TRANK1: variants seen among roughly 807,000 people sequenced by gnomAD.
TRANK1 encodes the protein tetratricopeptide repeat and ankyrin repeat containing 1.
A neutral mutation model predicts 266.0 loss-of-function variants in TRANK1; 198 were observed. The ratio of observed to expected loss-of-function variants is 0.74; its 90% CI spans 0.66 to 0.84. The LOEUF is 0.84. Ranked by LOEUF, TRANK1 falls within the 40% of genes least tolerant of loss-of-function variation. The pLI is 0.00. For synonymous variants in TRANK1, 1,396 were observed against 1,384.1 expected, an observed-to-expected ratio of 1.01 and a Z score of -0.19; for missense variants, 3,326 against 3,634.6, an observed-to-expected ratio of 0.92 and a Z score of 2.18.
At chr3:36,898,025 G>C (rs2079818036) in intron 4 of TRANK1, among the ~76,000 whole-genome samples, 1 of 152,194 alleles carries the variant, frequency 6.6e-6, no homozygotes, top group South Asian at 2.1e-4. Flanking sequence ...ATTCTGCAGT[G>C]CCGGGTATTG....
intron 20 of TRANK1, among the ~76,000 whole-genome samples, chr3:36,836,574 T>C (rs537424027): frequency 3.3e-5 from 5 of 152,258 alleles, no homozygotes; most frequent in Admixed American, 6.5e-5. Context: ...TGACTACCAA[T>C]GAGAAAAGAA....
At chr3:36,890,409 T>G (rs893118233) in intron 7 of TRANK1, among the ~76,000 whole-genome samples, 2 of 152,158 alleles carry the variant, frequency 1.3e-5, no homozygotes, top group Non-Finnish European at 2.9e-5. Context: ...CTTGAGGCAC[T>G]GGGGCTGGCC....
At chr3:36,895,416 CAGT>C (rs1195170492) in intron 5 of TRANK1, among the ~76,000 whole-genome samples, 6 of 152,194 alleles carry the variant, frequency 3.9e-5, no homozygotes, top group African/African-American at 1.4e-4. Context: ...TCTTTGATGA[CAGT>C]GGAGACACAG....
At chr3:36,858,193 A>C (rs912947322) in intron 12 of TRANK1, 144 bp from the exon 13 acceptor site, 1 of 682,714 alleles carries the variant, frequency 1.5e-6, no homozygotes, top group Non-Finnish European at 2.4e-6. Context: ...TAAAGAGCTC[A>C]GTGGTTCTCA....
intron 20 of TRANK1, 82 bp from the exon 21 acceptor site, chr3:36,834,989 G>A (rs533752313): frequency 1.5e-6 from 2 of 1,343,552 alleles, no homozygotes; most frequent in Admixed American, 2.6e-5. Context: ...AAGTAATAAA[G>A]AGGATAGTCA....
intron 20 of TRANK1, 146 bp downstream of exon 20, chr3:36,838,226 G>C (rs777705758): frequency 3.2e-6 from 4 of 1,254,904 alleles, no homozygotes; most frequent in Non-Finnish European, 4.4e-6. Context: ...AGTGAAAGTA[G>C]GCTTCCCTTA....
intron 5 of TRANK1, among the ~76,000 whole-genome samples, chr3:36,893,567 T>C (rs1397793517): frequency 6.6e-6 from 1 of 152,174 alleles, no homozygotes; most frequent in Non-Finnish European, 1.5e-5. Flanking sequence ...AGTTAGCAAA[T>C]GCTACAAATC....
chr3:36,855,026 G>C, intron 13 of TRANK1, 147 bp downstream of exon 13: 4 of 701,636 alleles, frequency 5.7e-6, no homozygotes, highest in Non-Finnish European at 4.6e-6. Flanking sequence ...ACTATCTCTT[G>C]TCCATGAGCG....
At chr3:36,866,914 C>T (rs2079235672) in intron 9 of TRANK1, among the ~76,000 whole-genome samples, 1 of 152,182 alleles carries the variant, frequency 6.6e-6, no homozygotes, top group East Asian at 1.9e-4. Flanking sequence ...ACACCAGAAA[C>T]ATACACACAT....
intron 10 of TRANK1, among the ~76,000 whole-genome samples, chr3:36,863,202 A>C (rs2079168639): frequency 6.6e-6 from 1 of 152,184 alleles, no homozygotes. Context: ...ACAATACCCT[A>C]CAGAGAAAAA....
intron 17 of TRANK1, among the ~76,000 whole-genome samples, chr3:36,843,360 A>G (rs1016072408): frequency 6.6e-6 from 1 of 152,302 alleles, no homozygotes. Flanking sequence ...TTGAAAACCC[A>G]AAGTCAAGTG....
intron 21 of TRANK1, 94 bp from the exon 22 acceptor site, chr3:36,834,013 T>A: frequency 2.4e-6 from 3 of 1,253,896 alleles, no homozygotes; most frequent in Non-Finnish European, 3.2e-6. Context: ...TAAATAAAAC[T>A]CCCACATGTA....
Position 36,855,422 on chromosome 3 carries a change from G to A in TRANK1, c.4300C>T (p.Leu1434Phe). 1 of 1,614,016 alleles carries A rather than the reference G, an allele frequency of 6.2e-7. No homozygotes were observed. The highest frequency in any genetic ancestry group is 8.5e-7 in the Non-Finnish European group (1 of 1,179,900). The change falls in exon 13 of 24, where the codon CTC (leucine) becomes TTC (phenylalanine). Residue 1434 changes from leucine (L) to phenylalanine (F), a missense_variant. Transcript: ENST00000645898. ...LRVLPWSIHELYGDEIQDFTQ... is the reference protein window; with the variant it reads ...LRVLPWSIHEFYGDEIQDFTQ... ...AAGTCTTGAATCTCATCACCATAGA[G>A]CTCGTGGATGGACCATGGGAGCACC...
At chr3:36,918,595 G>GA (rs1404463559) in intron 1 of TRANK1, among the ~76,000 whole-genome samples, 26 of 115,318 alleles carry the variant, frequency 2.3e-4, no homozygotes, top group South Asian at 8.9e-4. Flanking sequence ...AGGAAGGAAG[G>GA]AAGGAAGGAA....
rs1016568999 is a variant in TRANK1 at position 36,874,182 on chromosome 3, A to G, written c.1022T>C (p.Ile341Thr). ...TTCTAAGTGACTGTTGATTTTCTCG[A>G]TGGCTTTGAAGTTCTTATTCCTCTT... ...VLKRNKNFKA[I>T]EKINSHLEKL... Residue 341 changes from isoleucine to threonine, a missense_variant, in exon 9 of 24, where the codon ATC becomes ACC. Coordinates refer to ENST00000645898, the MANE Select transcript of TRANK1 (RefSeq NM_001329998.2). The G allele has an allele frequency of 6.5e-7, 1 of 1,537,324 alleles. No individual in the cohort carries two copies. The highest frequency in any genetic ancestry group is 8.7e-7 in the Non-Finnish European group (1 of 1,146,912).
chr3:36,834,026 T>C, intron 21 of TRANK1, 107 bp from the exon 22 acceptor site: 1 of 1,141,040 alleles, frequency 8.8e-7, no homozygotes, highest in Non-Finnish European at 1.2e-6. Flanking sequence ...CACATGTAGA[T>C]ATTACAAAAT....
chr3:36,830,850 C>A (rs532928893), intron 22 of TRANK1, 23 bp downstream of exon 22: 2 of 1,561,560 alleles, frequency 1.3e-6, no homozygotes, highest in African/African-American at 1.4e-5. Context: ...TCTGCCTGGG[C>A]CCCCATCTCT....
At chr3:36,902,194 G>A (rs780997794) in intron 3 of TRANK1, among the ~76,000 whole-genome samples, 1 of 152,200 alleles carries the variant, frequency 6.6e-6, no homozygotes. Context: ...ATTCAAAGCT[G>A]TCCTGGGCCA....
At chr3:36,938,825 T>C (rs2080458643) in intron 1 of TRANK1, among the ~76,000 whole-genome samples, 1 of 151,836 alleles carries the variant, frequency 6.6e-6, no homozygotes, top group Non-Finnish European at 1.5e-5. Flanking sequence ...CGGAGGGTGG[T>C]GGCGCGTGCC....
Sources: gnomAD v4.1 joint callset for allele counts (sites outside exome capture counted in the v4.1 genomes callset) on GRCh38, gnomAD v4.1.1 for gene constraint, MANE v1.5 for transcripts, NCBI Gene and HGNC (gene_info 2026-07-23, HGNC 2026-07-21) for gene names.